The following PPP1R21 variants were observed in gnomAD, a reference collection of about 807,000 sequenced individuals.
PPP1R21 encodes KLRAQ motif containing 1.
Under a neutral mutation model 112.8 loss-of-function variants are expected in PPP1R21, and 85 were observed. The observed-to-expected ratio is 0.75, with a 90% confidence interval of 0.63 to 0.90. PPP1R21 has a LOEUF of 0.90. PPP1R21 is among the 40% of genes least tolerant of loss of function. PPP1R21 has a pLI of 0.00. For missense variants in PPP1R21, 1,199 were observed against 901.5 expected, an observed-to-expected ratio of 1.33 and a Z score of -4.23; for synonymous variants, 381 against 322.3, an observed-to-expected ratio of 1.18 and a Z score of -1.95.
intron 17 of PPP1R21, 42 bp downstream of exon 17, chr2:48,498,777 G>A: frequency 6.3e-7 from 1 of 1,598,746 alleles, no homozygotes; most frequent in Non-Finnish European, 8.6e-7. Context: ...TTTTTTAAAT[G>A]CTAATTGGTA....
intron 14 of PPP1R21, among the ~76,000 whole-genome samples, chr2:48,488,277 A>T (rs555588840): frequency 1.2e-4 from 19 of 152,178 alleles, no homozygotes; most frequent in African/African-American, 4.3e-4. Flanking sequence ...GGCATGCCAG[A>T]TGCTTTTGGA....
chr2:48,440,830 G>GGCGGCGGCT lies in PPP1R21; in HGVS notation c.-119_-118insGGCTGCGGC, dbSNP rs1666981461. 34 of 696,524 alleles carry GGCGGCGGCT rather than the reference G, an allele frequency of 4.9e-5. No homozygotes were observed. The Admixed American group carries it at 9.3e-4, about 19-fold the overall frequency. 43.1% of individuals were successfully genotyped at this position (696,524 alleles called of 1,614,324 possible). A position where few individuals can be genotyped will look rare whatever the true frequency, so the allele number is the denominator to read the frequency against. ...GAGGAGGCGCGGCGGCGGCGGCGGCGGCGGCTGCGGTGGCCAAGCAGGCAG... is the reference window on the plus strand; with the variant it reads ...GAGGAGGCGCGGCGGCGGCGGCGGCGGCGGCGGCTGCGGCTGCGGTGGCCAAGCAGGCAG... On this transcript the variant is annotated 5_prime_UTR_variant, in exon 1 of 22. Transcript: ENST00000294952.
intron 15 of PPP1R21, among the ~76,000 whole-genome samples, chr2:48,492,083 C>G (rs1669591991): frequency 6.6e-6 from 1 of 152,176 alleles, no homozygotes; most frequent in African/African-American, 2.4e-5. Flanking sequence ...TATTCTTGCA[C>G]CTGCAATTTG....
chr2:48,442,662 A>G (rs1667086365), intron 1 of PPP1R21, among the ~76,000 whole-genome samples: 1 of 152,180 alleles, frequency 6.6e-6, no homozygotes, highest in Non-Finnish European at 1.5e-5. Context: ...GACATTGGAT[A>G]AGCGTTGAGG....
At chr2:48,474,256 G>T (rs552380840) in intron 11 of PPP1R21, among the ~76,000 whole-genome samples, 69 of 152,234 alleles carry the variant, frequency 4.5e-4, no homozygotes, top group Non-Finnish European at 8.8e-4. Context: ...GGTGGTGGGT[G>T]CCTGTAATCC....
At position 48,464,952 on chromosome 2, in the gene PPP1R21, A is replaced by G. The variant is rs766544721; in HGVS notation, c.710A>G (p.Asn237Ser). The change falls in exon 8 of 22, where the codon AAC (asparagine) becomes AGC (serine). Residue 237 changes from asparagine (N) to serine (S), a missense_variant. Asn to Ser is a conservative substitution (Grantham distance 46). Coordinates refer to ENST00000294952, the MANE Select transcript of PPP1R21 (RefSeq NM_001135629.3). ...PFNDTKYSQY[N>S]ALNVPLHNRR... is the part of the protein sequence containing the mutation. The stretch of plus-strand genomic sequence containing the variant: ...TCTTCTGTAGAATATAGTCAGTACA[A>G]CGCTCTGAACGTTCCACTCCACAAT... The G allele has an allele frequency of 1.0e-5, 16 of 1,561,466 alleles. No homozygotes were observed. In the Admixed American group the frequency reaches 3.2e-4, roughly 31 times the overall value.
At chr2:48,483,274 C>A (rs1669116573) in intron 13 of PPP1R21, among the ~76,000 whole-genome samples, 1 of 149,350 alleles carries the variant, frequency 6.7e-6, no homozygotes, top group Non-Finnish European at 1.5e-5. Context: ...CTTTCCCTCC[C>A]AGGTTCAAGC....
Position 48,505,759 on chromosome 2 carries a change from A to G in PPP1R21, c.1968+163A>G, listed in dbSNP as rs13389546. ...GTTTTCCACCTTCGTGTATGGATCC[A>G]TGTAGCTTTTCTCTGGTTCTGTTTT... On this transcript the variant is annotated intron_variant, in intron 18 of 21. Coordinates refer to ENST00000294952, the MANE Select transcript of PPP1R21 (RefSeq NM_001135629.3). 6.6e-3 allele frequency among the ~76,000 whole-genome samples: 1,012 copies of G among 152,330 alleles called. 13 individuals are homozygous for G. The highest frequency in any genetic ancestry group is 0.024 in the Middle Eastern group (7 of 294).
At chr2:48,474,481 A>C (rs1174454520) in intron 11 of PPP1R21, among the ~76,000 whole-genome samples, 1 of 152,222 alleles carries the variant, frequency 6.6e-6, no homozygotes, top group African/African-American at 2.4e-5. Context: ...TATTCCATTT[A>C]GTCATCTTAT....
At chr2:48,455,030 G>T (rs1005600523) in intron 3 of PPP1R21, among the ~76,000 whole-genome samples, 11 of 151,954 alleles carry the variant, frequency 7.2e-5, no homozygotes, top group Non-Finnish European at 1.3e-4. Flanking sequence ...TAGAGATGGG[G>T]TCTCACTATG....
At chr2:48,493,001 G>A (rs1390350402) in intron 15 of PPP1R21, among the ~76,000 whole-genome samples, 2 of 148,824 alleles carry the variant, frequency 1.3e-5, no homozygotes, top group Non-Finnish European at 3.0e-5. Flanking sequence ...TCTCTCTTTA[G>A]GTCATTTACC....
chr2:48,496,802 A>T (rs1558507814), intron 16 of PPP1R21, among the ~76,000 whole-genome samples: 1 of 152,118 alleles, frequency 6.6e-6, no homozygotes, highest in Non-Finnish European at 1.5e-5. Context: ...ACATTTCTTC[A>T]TGGTTGTCAA....
At chr2:48,457,626 T>G (rs1667784138) in intron 3 of PPP1R21, among the ~76,000 whole-genome samples, 1 of 152,172 alleles carries the variant, frequency 6.6e-6, no homozygotes, top group African/African-American at 2.4e-5. Context: ...TATAATAGCT[T>G]TATTTTATAT....
intron 15 of PPP1R21, among the ~76,000 whole-genome samples, chr2:48,494,226 T>G (rs1669702951): frequency 2.1e-5 from 2 of 96,300 alleles, no homozygotes; most frequent in Admixed American, 1.8e-4. Context: ...GGCGACAAAG[T>G]GAGACCTTGT....
rs1195915169 is a variant in PPP1R21 at position 48,487,077 on chromosome 2, T to C, written c.1446+319T>C. Among the ~76,000 whole-genome samples the C allele has an allele frequency of 3.3e-5, 5 of 152,320 alleles. No individual in the cohort carries two copies. In the East Asian group the frequency reaches 9.6e-4, roughly 29 times the overall value. On this transcript the variant is annotated intron_variant, in intron 14 of 21. Coordinates refer to ENST00000294952, the MANE Select transcript of PPP1R21 (RefSeq NM_001135629.3). ...TTAAAGCAATGTGACAGTGACTGTT[T>C]AGCATTTGTCTTGGATGTGTAGATC...
rs761531765 is a variant in PPP1R21 at position 48,474,787 on chromosome 2, T to A, written c.1193T>A (p.Leu398Gln). The A allele has an allele frequency of 6.2e-7, 1 of 1,613,902 alleles. No homozygotes were observed. The highest frequency in any genetic ancestry group is 1.7e-5 in the Admixed American group (1 of 59,988). The change falls in exon 12 of 22, where the codon CTG (leucine) becomes CAG (glutamine). Residue 398 changes from leucine to glutamine, a missense_variant. Coordinates refer to ENST00000294952, the MANE Select transcript of PPP1R21 (RefSeq NM_001135629.3). ...MKKMTAVFEK[L>Q]QTYIALLALP... The stretch of plus-strand genomic sequence containing the variant: ...AAAATGACAGCTGTGTTTGAGAAGC[T>A]GCAGACTTACATAGCTCTTCTTGCC...
At chr2:48,507,966 T>C (rs749283176) in intron 19 of PPP1R21, among the ~76,000 whole-genome samples, 3 of 151,166 alleles carry the variant, frequency 2.0e-5, no homozygotes, top group African/African-American at 2.4e-5. Context: ...AGTTTCACCA[T>C]GTTGGCCAGG....
chr2:48,488,969 A>G (rs1340963177), intron 14 of PPP1R21, among the ~76,000 whole-genome samples: 2 of 152,196 alleles, frequency 1.3e-5, no homozygotes, highest in Non-Finnish European at 2.9e-5. Context: ...CATGTCATTC[A>G]CAAGGACTAT....
intron 6 of PPP1R21, among the ~76,000 whole-genome samples, chr2:48,460,700 T>C (rs565020228): frequency 3.3e-5 from 5 of 150,334 alleles, no homozygotes; most frequent in Non-Finnish European, 7.4e-5. Flanking sequence ...TTTAGATGTG[T>C]ACATAATTGA....
Sources: allele counts gnomAD v4.1 joint callset (sites outside exome capture counted in the v4.1 genomes callset), GRCh38; gene constraint gnomAD v4.1.1; transcripts MANE v1.5; gene names NCBI Gene and HGNC (gene_info 2026-07-23, HGNC 2026-07-21).